PDE1A: variants seen among roughly 807,000 people sequenced by gnomAD.
PDE1A encodes phosphodiesterase 1A, also known as dual specificity calcium/calmodulin-dependent 3',5'-cyclic nucleotide phosphodiesterase 1A.
In PDE1A, 35 loss-of-function variants were observed where a neutral mutation model predicts 61.7. That is an observed-to-expected ratio of 0.57 (90% CI 0.43 to 0.75). PDE1A has a LOEUF of 0.75. PDE1A is among the 30% of genes least tolerant of loss of function. The probability of loss-of-function intolerance (pLI) is 0.00; values close to 1 mark genes in which losing one functional copy is unlikely to be tolerated. For missense variants in PDE1A, 597 were observed against 630.6 expected (o/e 0.95, Z 0.57); for synonymous variants, 232 against 213.2 (o/e 1.09, Z -0.77).
intron 1 of PDE1A, among the ~76,000 whole-genome samples, chr2:182,308,892 C>T (rs1695778458): frequency 6.6e-6 from 1 of 151,930 alleles, no homozygotes; most frequent in Non-Finnish European, 1.5e-5. Flanking sequence ...GAGAATTCTG[C>T]TATGTTTATT....
intron 1 of PDE1A, among the ~76,000 whole-genome samples, chr2:182,410,278 G>A (rs1055646546): frequency 1.5e-4 from 23 of 152,164 alleles, no homozygotes; most frequent in African/African-American, 5.3e-4. Flanking sequence ...GAGGCACGAG[G>A]ATCACTTTAG....
the PDE1A span, among the ~76,000 whole-genome samples, chr2:182,695,666 CAA>C: frequency 4.0e-3 from 132 of 32,872 alleles, no homozygotes; most frequent in African/African-American, 0.012. Context: ...GGCCCTCTCT[CAA>C]AAAAAAAAAA....
In PDE1A at chr2:182,267,566, G is replaced by A. The variant is rs190572613; in HGVS notation, c.54-3152C>T. 4.6e-4 allele frequency among the ~76,000 whole-genome samples: 70 copies of A among 151,962 alleles called. 1 individual carries two copies. Among genetic ancestry groups the A allele is most frequent in the African/African-American group, 1.6e-3 (68 of 41,450 alleles). ...CTTCTTGCACTAAATTTTCATTAAT[G>A]AGTGCACATTTCTATTTACATAAAA... On this transcript the variant is annotated intron_variant, in intron 1 of 13. Transcript: ENST00000351439.
At chr2:182,150,904 A>G (rs755429687) in intron 13 of PDE1A, among the ~76,000 whole-genome samples, 4 of 152,220 alleles carry the variant, frequency 2.6e-5, no homozygotes, top group Non-Finnish European at 4.4e-5. Context: ...TCAAGTGGAT[A>G]TTAGAGACTT....
intron 7 of PDE1A, among the ~76,000 whole-genome samples, chr2:182,211,028 A>G (rs1401088086): frequency 7.2e-5 from 11 of 152,232 alleles, no homozygotes; most frequent in Admixed American, 3.3e-4. Context: ...GTAGAAAGGC[A>G]GAGAGTGCAA....
chr2:182,389,843 G>C (rs1200296081), intron 1 of PDE1A, among the ~76,000 whole-genome samples: 1 of 152,176 alleles, frequency 6.6e-6, no homozygotes, highest in African/African-American at 2.4e-5. Context: ...GGAAAGAGCA[G>C]ACTTGCTGAG....
chr2:182,676,490 CA>C, the PDE1A span, among the ~76,000 whole-genome samples: 2 of 149,900 alleles, frequency 1.3e-5, no homozygotes, highest in Non-Finnish European at 3.0e-5. Flanking sequence ...ACCAGATGTA[CA>C]AAAAAGAGCT....
chr2:182,454,711 G>A (rs1685777756), intron 2 of PDE1A, among the ~76,000 whole-genome samples: 1 of 151,818 alleles, frequency 6.6e-6, no homozygotes, highest in Non-Finnish European at 1.5e-5. Flanking sequence ...AAACTGGCTA[G>A]CCATATGTAG....
the PDE1A span, among the ~76,000 whole-genome samples, chr2:182,609,549 G>A: frequency 6.6e-6 from 1 of 152,188 alleles, no homozygotes; most frequent in Non-Finnish European, 1.5e-5. Context: ...CAGGAGGAAT[G>A]AAAAACTCCA....
intron 1 of PDE1A, among the ~76,000 whole-genome samples, chr2:182,370,176 CA>C (rs1700052736): frequency 1.9e-5 from 2 of 106,602 alleles, no homozygotes. Flanking sequence ...GACTTTGTCT[CA>C]AAAAAGAAAA....
chr2:182,386,364 G>A (rs4335909), intron 1 of PDE1A, among the ~76,000 whole-genome samples: 40,720 of 149,866 alleles, frequency 0.27, 5,768 homozygotes, highest in East Asian at 0.43. Flanking sequence ...AGTGAGGAGC[G>A]CCTCTTCCTG....
At chr2:182,153,626 G>A (rs1451907534) in intron 13 of PDE1A, among the ~76,000 whole-genome samples, 1 of 152,224 alleles carries the variant, frequency 6.6e-6, no homozygotes, top group African/African-American at 2.4e-5. Context: ...TTGATTGAAG[G>A]TAGAGAAGTT....
At chr2:182,210,877 A>T (rs1687529351) in intron 7 of PDE1A, among the ~76,000 whole-genome samples, 2 of 148,966 alleles carry the variant, frequency 1.3e-5, no homozygotes, top group Admixed American at 6.8e-5. Context: ...ATGTGACAGA[A>T]TACCTGAGGC....
downstream of PDE1A, chr2:182,147,001 A>G: frequency 1.1e-6 from 1 of 915,892 alleles, no homozygotes; most frequent in South Asian, 1.6e-5. Flanking sequence ...CATTTACTTT[A>G]GAAGTTAAGT....
chr2:182,556,390 T>A, the PDE1A span, among the ~76,000 whole-genome samples: 1 of 152,184 alleles, frequency 6.6e-6, no homozygotes, highest in African/African-American at 2.4e-5. Flanking sequence ...TTGTAAGCAG[T>A]TAAATTGGTT....
intron 2 of PDE1A, among the ~76,000 whole-genome samples, chr2:182,240,825 T>C (rs1280063897): frequency 1.3e-5 from 2 of 152,132 alleles, no homozygotes; most frequent in Non-Finnish European, 2.9e-5. Context: ...ACCTCTAAAT[T>C]TTAGGAAAAT....
At chr2:182,516,491 A>T (rs1414324935) in intron 2 of PDE1A, among the ~76,000 whole-genome samples, 1 of 151,784 alleles carries the variant, frequency 6.6e-6, no homozygotes, top group South Asian at 2.1e-4. Context: ...TCTCTACTAG[A>T]TCTATAAAAA....
At chr2:182,679,191 A>ATTATTTT in the PDE1A span, among the ~76,000 whole-genome samples, 1 of 138,230 alleles carries the variant, frequency 7.2e-6, no homozygotes, top group African/African-American at 2.8e-5. Flanking sequence ...TATTATTATT[A>ATTATTTT]TTTTTTTTTT....
At chr2:182,294,025 A>G (rs113602215) in intron 1 of PDE1A, among the ~76,000 whole-genome samples, 4 of 152,382 alleles carry the variant, frequency 2.6e-5, no homozygotes, top group African/African-American at 9.6e-5. Flanking sequence ...AGTAGCATAT[A>G]TAGCACAGCT....
Sources: allele counts gnomAD v4.1 joint callset (sites outside exome capture counted in the v4.1 genomes callset), GRCh38; gene constraint gnomAD v4.1.1; transcripts MANE v1.5; gene names NCBI Gene and HGNC (gene_info 2026-07-23, HGNC 2026-07-21).